UBR7: variants seen among roughly 807,000 people sequenced by gnomAD.
UBR7 encodes putative E3 ubiquitin-protein ligase UBR7.
UBR7 carries 22 observed loss-of-function variants against 57.0 expected under a neutral mutation model. The observed-to-expected ratio is 0.39, with a 90% CI of 0.28 to 0.55. The LOEUF (loss-of-function observed/expected upper bound fraction) is 0.55, where lower values mean the gene tolerates loss of function less well. Among genes scored for constraint, UBR7 ranks in the 20% least tolerant of loss-of-function variants. The probability of loss-of-function intolerance (pLI) is 0.69; values close to 1 mark genes in which losing one functional copy is unlikely to be tolerated. For synonymous variants in UBR7, 167 were observed against 179.8 expected (o/e 0.93, Z 0.57); for missense variants, 395 against 513.2 (o/e 0.77, Z 2.23).
intron 1 of UBR7, among the ~76,000 whole-genome samples, chr14:93,209,051 G>T (rs1287931608): frequency 6.6e-6 from 1 of 152,190 alleles, no homozygotes; most frequent in Non-Finnish European, 1.5e-5. Context: ...GACCTCAAGT[G>T]ATCTGCCCAC....
At chr14:93,219,458 G>A in intron 8 of UBR7, 97 bp downstream of exon 8, 2 of 1,489,900 alleles carry the variant, frequency 1.3e-6, no homozygotes, top group South Asian at 1.2e-5. Flanking sequence ...TGTACCAGAG[G>A]AAGAAAGGAA....
intron 2 of UBR7, 87 bp from the exon 3 acceptor site, chr14:93,210,561 T>G (rs908357986): frequency 8.9e-7 from 1 of 1,123,828 alleles, no homozygotes. Flanking sequence ...AATTGTGAAG[T>G]CTTACTATGT....
intron 10 of UBR7, among the ~76,000 whole-genome samples, chr14:93,224,307 T>C (rs1894785908): frequency 1.3e-5 from 2 of 151,930 alleles, no homozygotes; most frequent in East Asian, 1.9e-4. Context: ...TTCTTCTAAG[T>C]GGTTTTCTCA....
Position 93,218,622 on chromosome 14 carries a change from G to T in UBR7, c.697G>T (p.Asp233Tyr). Residue 233 changes from aspartate to tyrosine, a missense_variant, in exon 7 of 11, where the codon GAT becomes TAT. Physicochemically the swap from Asp to Tyr is radical, Grantham distance 160. Transcript: ENST00000013070. ...CAAACCTGAAAATGGAGAGCATCAAGATAGTACCCTCAAAGAGGATGTTCC... is the reference window on the plus strand; with the variant it reads ...CAAACCTGAAAATGGAGAGCATCAATATAGTACCCTCAAAGAGGATGTTCC... ...VIKPENGEHQ[D>Y]STLKEDVPEQ... 1 of 1,614,136 alleles carries T rather than the reference G, an allele frequency of 6.2e-7. No homozygotes were observed. The highest frequency in any genetic ancestry group is 8.5e-7 in the Non-Finnish European group (1 of 1,180,024).
chr14:93,223,839 G>A, intron 10 of UBR7: 1 of 750,068 alleles, frequency 1.3e-6, no homozygotes, highest in Non-Finnish European at 2.4e-6. Flanking sequence ...GCGGTGGTCA[G>A]GTCCCGGTAT....
chr14:93,221,097 C>T (rs190961919), intron 9 of UBR7, among the ~76,000 whole-genome samples: 116 of 151,606 alleles, frequency 7.7e-4, no homozygotes, highest in Admixed American at 2.3e-3. Context: ...AGACGCATGC[C>T]ACTGCGCCCC....
chr14:93,224,589 G>T (rs1894803674), intron 10 of UBR7, among the ~76,000 whole-genome samples: 1 of 152,014 alleles, frequency 6.6e-6, no homozygotes, highest in Non-Finnish European at 1.5e-5. Context: ...GTGTTAGCCA[G>T]GATGGTCTCG....
rs758180024 is a variant in UBR7, at chr14:93,219,330, G to A, written c.929G>A (p.Arg310His). The A allele has an allele frequency of 9.9e-6, 16 of 1,614,052 alleles. No individual in the cohort carries two copies. Among genetic ancestry groups the A allele is most frequent in the African/African-American group, 2.7e-5 (2 of 74,928 alleles). Residue 310 changes from arginine (R) to histidine (H), a missense_variant, in exon 8 of 11, where the codon CGT becomes CAT. Physicochemically the swap from Arg to His is conservative, Grantham distance 29. Coordinates refer to ENST00000013070, the MANE Select transcript of UBR7 (RefSeq NM_175748.4). ...DTATYWPLNW[R>H]SKLCTCQDCM... ...GCCACCTATTGGCCCCTGAACTGGC[G>A]TAGCAAGTTGTGTACCTGCCAAGAC...
At chr14:93,218,467 A>G in intron 6 of UBR7, 60 bp from the exon 7 acceptor site, 1 of 1,392,636 alleles carries the variant, frequency 7.2e-7, no homozygotes, top group Non-Finnish European at 1.0e-6. Context: ...TTGGGATTTT[A>G]TTGTCCGTTA....
In UBR7 at chr14:93,207,576, C is replaced by A. The variant is rs540535323; in HGVS notation, c.150+135C>A. The A allele has an allele frequency of 3.8e-5, 47 of 1,251,802 alleles. No individual in the cohort carries two copies. The South Asian group carries it at 6.6e-4, about 18-fold the overall frequency. 77.5% of individuals were successfully genotyped at this position (1,251,802 alleles called of 1,614,324 possible). On this transcript the variant is annotated intron_variant, in intron 1 of 10. Transcript: ENST00000013070. ...CGGGGCCGCCGTTAGTCTGCCGCTTCCTCACCCCAAGCTCACCCTTCCCTT... is the reference window on the plus strand; with the variant it reads ...CGGGGCCGCCGTTAGTCTGCCGCTTACTCACCCCAAGCTCACCCTTCCCTT...
chr14:93,221,539 G>A lies in UBR7; in HGVS notation c.1124-774G>A, dbSNP rs1595269621. ...CAAAGTGCTGGGATTACAGGTGCAAGCCACTGCACCTGGCCGTGTCTTTTA... is the reference window on the plus strand; with the variant it reads ...CAAAGTGCTGGGATTACAGGTGCAAACCACTGCACCTGGCCGTGTCTTTTA... On this transcript the variant is annotated intron_variant, in intron 9 of 10. Transcript: ENST00000013070. Among the ~76,000 whole-genome samples, 6 of 152,146 alleles carry A rather than the reference G, an allele frequency of 3.9e-5. 1 individual carries two copies. Among genetic ancestry groups the A allele is most frequent in the African/African-American group, 1.4e-4 (6 of 41,532 alleles).
Position 93,219,321 on chromosome 14 carries a change from T to C in UBR7, c.920T>C (p.Leu307Pro). The C allele has an allele frequency of 1.2e-6, 2 of 1,614,224 alleles. No individual in the cohort carries two copies. Among genetic ancestry groups the C allele is most frequent in the Non-Finnish European group, 1.7e-6 (2 of 1,180,032 alleles). ...IKKDTATYWP[L>P]NWRSKLCTCQ... ...AAAGACACTGCCACCTATTGGCCCCTGAACTGGCGTAGCAAGTTGTGTACC... is the reference window on the plus strand; with the variant it reads ...AAAGACACTGCCACCTATTGGCCCCCGAACTGGCGTAGCAAGTTGTGTACC... The change falls in exon 8 of 11, where the codon CTG becomes CCG. Residue 307 changes from leucine to proline, a missense_variant. Transcript: ENST00000013070.
chr14:93,216,239 T>G (rs1894588918), intron 6 of UBR7, among the ~76,000 whole-genome samples: 1 of 152,174 alleles, frequency 6.6e-6, no homozygotes, highest in African/African-American at 2.4e-5. Context: ...AGAGACAGTG[T>G]TTCACCATGT....
At chr14:93,216,190 GCA>G (rs1894587703) in intron 6 of UBR7, among the ~76,000 whole-genome samples, 3 of 152,108 alleles carry the variant, frequency 2.0e-5, no homozygotes, top group Non-Finnish European at 4.4e-5. Context: ...TGGACTACAG[GCA>G]CACACTACCA....
chr14:93,209,753 A>T, intron 1 of UBR7, 71 bp from the exon 2 acceptor site: 1 of 1,543,418 alleles, frequency 6.5e-7, no homozygotes, highest in East Asian at 2.3e-5. Context: ...ATTATTTTTC[A>T]GTTCCTAGTG....
chr14:93,223,903 G>A (rs1894773060), intron 10 of UBR7: 7 of 730,342 alleles, frequency 9.6e-6, no homozygotes, highest in South Asian at 4.3e-5. Context: ...GCCAGATGCC[G>A]AAGTTCTTGA....
rs1253212035 is a variant in UBR7 at position 93,217,606 on chromosome 14, A to G, written c.602-921A>G. On this transcript the variant is annotated intron_variant, in intron 6 of 10. Coordinates refer to ENST00000013070, the MANE Select transcript of UBR7 (RefSeq NM_175748.4). ...GTATTATTCTGTCTCTAACAAGTACAGTACAATATTTTCTCCTTTATGTGT... is the reference window on the plus strand; with the variant it reads ...GTATTATTCTGTCTCTAACAAGTACGGTACAATATTTTCTCCTTTATGTGT... Among the ~76,000 whole-genome samples, 5 of 152,210 alleles carry G rather than the reference A, an allele frequency of 3.3e-5. No homozygotes were observed. The East Asian group carries it at 7.7e-4, about 23-fold the overall frequency.
intron 4 of UBR7, among the ~76,000 whole-genome samples, chr14:93,212,834 A>G (rs974592081): frequency 2.0e-5 from 3 of 152,238 alleles, no homozygotes; most frequent in Non-Finnish European, 1.5e-5. Flanking sequence ...GTTCTTCTAC[A>G]GCAGAATGGC....
rs1460499450 is a variant in UBR7, at chr14:93,218,580, G to A, written c.655G>A (p.Gly219Ser). The part of the protein sequence containing the change: ...DGLVRNIDGI[G>S]DQEVIKPENG... ...ATTGGTGCGGAACATTGATGGAATAGGTGATCAGGAAGTTATCAAACCTGA... is the reference window on the plus strand; with the variant it reads ...ATTGGTGCGGAACATTGATGGAATAAGTGATCAGGAAGTTATCAAACCTGA... The change falls in exon 7 of 11, where the codon GGT becomes AGT. Residue 219 changes from glycine (G) to serine (S), a missense_variant. Gly to Ser is a moderately conservative substitution (Grantham distance 56). Transcript: ENST00000013070. 3.7e-6 allele frequency: 6 copies of A among 1,614,000 alleles called. No homozygotes were observed. In the Admixed American group the frequency reaches 1.0e-4, roughly 27 times the overall value.
Sources: gnomAD v4.1 joint callset for allele counts (sites outside exome capture counted in the v4.1 genomes callset) on GRCh38, gnomAD v4.1.1 for gene constraint, MANE v1.5 for transcripts, NCBI Gene and HGNC (gene_info 2026-07-23, HGNC 2026-07-21) for gene names.